The following TJP2 variants were observed in gnomAD, a reference collection of about 807,000 sequenced individuals.
TJP2 encodes the protein tight junction protein 2.
Under a neutral mutation model 133.1 loss-of-function variants are expected in TJP2, and 91 were observed. The observed-to-expected ratio is 0.68, with a 90% CI of 0.58 to 0.81. The LOEUF is 0.81. TJP2 is among the 40% of genes least tolerant of loss of function. TJP2 has a pLI of 0.00. For synonymous variants in TJP2, 592 were observed against 583.4 expected, an observed-to-expected ratio of 1.01 and a Z score of -0.21; for missense variants, 1,541 against 1,565.6, an observed-to-expected ratio of 0.98 and a Z score of 0.26.
chr9:69,146,446 A>C (rs183609472), intron 1 of TJP2, among the ~76,000 whole-genome samples: 1 of 152,362 alleles, frequency 6.6e-6, no homozygotes, highest in East Asian at 1.9e-4. Flanking sequence ...GCCTGAATTT[A>C]ATTTTCAAAC....
At chr9:69,134,058 G>A (rs75160856) in intron 1 of TJP2, among the ~76,000 whole-genome samples, 11,828 of 152,168 alleles carry the variant, frequency 0.078, 602 homozygotes, top group East Asian at 0.23. Flanking sequence ...ACTCACATCC[G>A]TATTACAGCA....
chr9:69,223,065 T>A (rs1487537136), intron 5 of TJP2, among the ~76,000 whole-genome samples: 4 of 45,368 alleles, frequency 8.8e-5, no homozygotes, highest in Non-Finnish European at 1.5e-4. Flanking sequence ...CGAGACTCTG[T>A]CTTGAAAAAA....
chr9:69,246,707 T>C lies in TJP2; in HGVS notation c.2584T>C (p.Ser862Pro), dbSNP rs1363011065. The change falls in exon 18 of 23, where the codon TCA becomes CCA. Residue 862 changes from serine to proline, a missense_variant. Ser to Pro is a moderately conservative substitution (Grantham distance 74, BLOSUM62 -1). Coordinates refer to ENST00000377245, the MANE Select transcript of TJP2 (RefSeq NM_004817.4). ...TTCTATAGCTACAATCAACCTAAAT[T>C]CAGCCAATGATAGCTGGTTTGGCAG... ...HLFTATINLN[S>P]ANDSWFGSLK... is the part of the protein sequence containing the mutation. 7 of 1,613,988 alleles carry C rather than the reference T, an allele frequency of 4.3e-6. No individual in the cohort carries two copies. Among genetic ancestry groups the C allele is most frequent in the Non-Finnish European group, 5.1e-6 (6 of 1,180,008 alleles).
At chr9:69,178,321 C>A (rs1825245643) in intron 1 of TJP2, among the ~76,000 whole-genome samples, 1 of 152,088 alleles carries the variant, frequency 6.6e-6, no homozygotes, top group South Asian at 2.1e-4. Flanking sequence ...AACAGAAAAC[C>A]AGCTACCACA....
intron 1 of TJP2, among the ~76,000 whole-genome samples, chr9:69,148,629 C>T (rs1486233519): frequency 6.6e-6 from 1 of 151,988 alleles, no homozygotes; most frequent in Non-Finnish European, 1.5e-5. Flanking sequence ...CTCGGCCTCC[C>T]AAAGTGCTGG....
chr9:69,202,258 A>T (rs774694685), intron 1 of TJP2, among the ~76,000 whole-genome samples: 1 of 152,192 alleles, frequency 6.6e-6, no homozygotes. Flanking sequence ...GGTTTAGCTC[A>T]GTCCCTCCAG....
intron 1 of TJP2, among the ~76,000 whole-genome samples, chr9:69,203,723 C>T (rs1428724570): frequency 1.4e-5 from 2 of 147,658 alleles, no homozygotes; most frequent in African/African-American, 2.5e-5. Flanking sequence ...AGGTGATCCT[C>T]CTACCTCAGC....
chr9:69,172,999 T>G (rs1007057238), upstream of TJP2, among the ~76,000 whole-genome samples: 2 of 152,174 alleles, frequency 1.3e-5, no homozygotes, highest in Non-Finnish European at 2.9e-5. Flanking sequence ...CACAGTGCTT[T>G]TTATCCAGAG....
chr9:69,197,403 C>G (rs928004184), intron 1 of TJP2, among the ~76,000 whole-genome samples: 1 of 152,166 alleles, frequency 6.6e-6, no homozygotes, highest in Non-Finnish European at 1.5e-5. Context: ...GCTGTTTCCA[C>G]TTGTTTGCTA....
At chr9:69,178,507 G>A (rs1296232359) in intron 1 of TJP2, among the ~76,000 whole-genome samples, 1 of 152,234 alleles carries the variant, frequency 6.6e-6, no homozygotes. Flanking sequence ...CTTAAAATAT[G>A]AGTGTGGTGC....
intron 5 of TJP2, 42 bp downstream of exon 5, chr9:69,221,538 T>A (rs199867338): frequency 1.3e-6 from 2 of 1,578,888 alleles, no homozygotes; most frequent in Non-Finnish European, 1.7e-6. Context: ...TGTTGTGATA[T>A]GAATAACCTT....
chr9:69,201,018 G>A (rs1826949395), intron 1 of TJP2, among the ~76,000 whole-genome samples: 1 of 152,188 alleles, frequency 6.6e-6, no homozygotes, highest in Admixed American at 6.5e-5. Flanking sequence ...AGTACTCAGG[G>A]AGTATATGTC....
intron 1 of TJP2, among the ~76,000 whole-genome samples, chr9:69,146,902 T>G (rs1014778902): frequency 1.3e-5 from 2 of 152,212 alleles, no homozygotes; most frequent in Non-Finnish European, 2.9e-5. Flanking sequence ...ATAGGTTTTC[T>G]TCCCATCTGT....
At chr9:69,234,780 G>A (rs1364501394) in intron 12 of TJP2, among the ~76,000 whole-genome samples, 3 of 152,138 alleles carry the variant, frequency 2.0e-5, no homozygotes, top group East Asian at 1.9e-4. Flanking sequence ...TGTCAATTTG[G>A]AATAAAACTG....
At chr9:69,201,337 C>G (rs931643335) in intron 1 of TJP2, among the ~76,000 whole-genome samples, 1 of 152,138 alleles carries the variant, frequency 6.6e-6, no homozygotes, top group South Asian at 2.1e-4. Flanking sequence ...GTTGTTCTTA[C>G]GTTCTGATGG....
chr9:69,205,091 C>T (rs1827291236), intron 1 of TJP2: 8 of 1,531,046 alleles, frequency 5.2e-6, no homozygotes, highest in East Asian at 2.5e-5. Context: ...TACGTAACCA[C>T]ATGGAGTGAT....
intron 11 of TJP2, among the ~76,000 whole-genome samples, chr9:69,233,635 G>C (rs1829952078): frequency 6.6e-6 from 1 of 152,100 alleles, no homozygotes; most frequent in Admixed American, 6.5e-5. Flanking sequence ...AATTAGCTGG[G>C]TGTGGTGGCA....
At chr9:69,186,196 A>T (rs1353559135) in intron 1 of TJP2, among the ~76,000 whole-genome samples, 2 of 152,202 alleles carry the variant, frequency 1.3e-5, no homozygotes, top group East Asian at 3.8e-4. Flanking sequence ...CCTCCTTCAA[A>T]TACTTTTTCC....
intron 1 of TJP2, among the ~76,000 whole-genome samples, chr9:69,186,329 TC>T (rs1825858738): frequency 6.6e-6 from 1 of 152,202 alleles, no homozygotes; most frequent in Non-Finnish European, 1.5e-5. Context: ...TAGTACTACT[TC>T]CGAAGGCTCC....
Sources: allele counts gnomAD v4.1 joint callset (sites outside exome capture counted in the v4.1 genomes callset), GRCh38; gene constraint gnomAD v4.1.1; transcripts MANE v1.5; gene names NCBI Gene and HGNC (gene_info 2026-07-23, HGNC 2026-07-21).